The following TMEM132B variants were observed in gnomAD, a reference collection of about 807,000 sequenced individuals.
The protein encoded by TMEM132B is transmembrane protein 132B.
Under a neutral mutation model 90.8 loss-of-function variants are expected in TMEM132B, and 18 were observed. The ratio of observed to expected loss-of-function variants is 0.20; its 90% CI spans 0.14 to 0.29. The LOEUF (loss-of-function observed/expected upper bound fraction) is 0.29. TMEM132B is among the 10% of genes least tolerant of loss of function. The pLI is 1.00. For synonymous variants in TMEM132B, 504 were observed against 523.3 expected (o/e 0.96, Z 0.50); for missense variants, 1,096 against 1,326.8 (o/e 0.83, Z 2.70).
intron 4 of TMEM132B, among the ~76,000 whole-genome samples, chr12:125,537,868 T>C (rs1410265247): frequency 6.6e-6 from 1 of 152,204 alleles, no homozygotes; most frequent in African/African-American, 2.4e-5. Flanking sequence ...TGGATGTCTC[T>C]GAGCCTCAGT....
intron 4 of TMEM132B, among the ~76,000 whole-genome samples, chr12:125,522,345 T>C (rs969810002): frequency 1.3e-5 from 2 of 152,194 alleles, no homozygotes; most frequent in Non-Finnish European, 2.9e-5. Flanking sequence ...AGAGAATTGT[T>C]AACTATCACA....
At chr12:125,271,006 AGGGG>A (rs1874824968) in intron 1 of TMEM132B, among the ~76,000 whole-genome samples, 1 of 151,208 alleles carries the variant, frequency 6.6e-6, no homozygotes, top group African/African-American at 2.4e-5. Flanking sequence ...GCTGGAGTGC[AGGGG>A]TGCAAGCCTA....
intron 1 of TMEM132B, among the ~76,000 whole-genome samples, chr12:125,325,360 G>A (rs1242057981): frequency 6.6e-6 from 1 of 152,200 alleles, no homozygotes; most frequent in Non-Finnish European, 1.5e-5. Context: ...GACCTTCAAA[G>A]CAGCGCCCAG....
intron 2 of TMEM132B, among the ~76,000 whole-genome samples, chr12:125,397,021 G>C (rs1032171347): frequency 6.6e-6 from 1 of 151,722 alleles, no homozygotes; most frequent in African/African-American, 2.4e-5. Context: ...GCCCAGGCTG[G>C]AGTGCAGTGG....
At chr12:125,641,108 A>G (rs1194178774) in intron 5 of TMEM132B, among the ~76,000 whole-genome samples, 1 of 152,164 alleles carries the variant, frequency 6.6e-6, no homozygotes, top group East Asian at 1.9e-4. Context: ...AGCTTCCCAC[A>G]CAGTGCTCCA....
rs117459949 is a variant in TMEM132B at position 125,594,079 on chromosome 12, C to G, written c.1437+10085C>G. Among the ~76,000 whole-genome samples the G allele has an allele frequency of 3.7e-3, 557 of 152,248 alleles. 1 individual carries two copies. The highest frequency in any genetic ancestry group is 5.8e-3 in the Non-Finnish European group (392 of 68,016). On this transcript the variant is annotated intron_variant, in intron 5 of 8. Coordinates refer to ENST00000682704, the MANE Select transcript of TMEM132B (RefSeq NM_001366854.1). Reference sequence around the variant, plus strand: ...CTCTTCTGCCCCTCTCCACTTGTTCCCAGATAGCCACTCATCTTCTCTTTC... The same window carrying G: ...CTCTTCTGCCCCTCTCCACTTGTTCGCAGATAGCCACTCATCTTCTCTTTC...
At chr12:125,342,205 C>T (rs1877205057) in intron 1 of TMEM132B, among the ~76,000 whole-genome samples, 1 of 152,084 alleles carries the variant, frequency 6.6e-6, no homozygotes, top group African/African-American at 2.4e-5. Flanking sequence ...TCCTTCTGGA[C>T]CAAGAAGGAA....
rs1182070973 is a variant in TMEM132B at position 125,661,078 on chromosome 12, CTT to C, written c.*6370_*6371del. ...CCTGTGGCCAAAAAAGCAAGTGAGA[CTT>C]TCTGTTTCCCATTGTAAGGCTGGAG... On this transcript the variant is annotated 3_prime_UTR_variant, in exon 9 of 9. Transcript: ENST00000682704. 1 of 152,216 alleles carries C rather than the reference CTT, an allele frequency of 6.6e-6. No homozygotes were observed. The highest frequency in any genetic ancestry group is 2.4e-5 in the African/African-American group (1 of 41,452). 9.4% of individuals were successfully genotyped at this position (152,216 alleles called of 1,614,324 possible).
Position 125,345,920 on chromosome 12 carries a change from T to A in TMEM132B, c.68-3532T>A, listed in dbSNP as rs145881395. Among the ~76,000 whole-genome samples, 1,016 of 152,302 alleles carry A rather than the reference T, an allele frequency of 6.7e-3. 3 individuals carry two copies. The highest frequency in any genetic ancestry group is 0.01 in the Non-Finnish European group (713 of 68,030). ...AAAGAATGGTGTTACTATGTGACAT[T>A]TTGGGATTAAAGGGAAGAGTGTTAG... On this transcript the variant is annotated intron_variant, in intron 1 of 8. Transcript: ENST00000682704.
chr12:125,495,788 T>C (rs1233320591), intron 3 of TMEM132B, among the ~76,000 whole-genome samples: 1 of 152,170 alleles, frequency 6.6e-6, no homozygotes, highest in Non-Finnish European at 1.5e-5. Context: ...GGATAGACCA[T>C]CCCTGTGATA....
chr12:125,552,257 A>G (rs12830721), intron 4 of TMEM132B, among the ~76,000 whole-genome samples: 11,108 of 152,278 alleles, frequency 0.073, 547 homozygotes, highest in South Asian at 0.15. Flanking sequence ...TTCCCACAGG[A>G]TTGCAAATGA....
At chr12:125,515,571 T>A (rs572665428) in intron 3 of TMEM132B, among the ~76,000 whole-genome samples, 53 of 149,586 alleles carry the variant, frequency 3.5e-4, no homozygotes, top group African/African-American at 7.4e-5. Flanking sequence ...TCTCCCACAC[T>A]CACACACACA....
intron 3 of TMEM132B, among the ~76,000 whole-genome samples, chr12:125,505,291 A>G (rs1409041151): frequency 6.6e-6 from 1 of 151,900 alleles, no homozygotes; most frequent in Non-Finnish European, 1.5e-5. Flanking sequence ...CATTATAGAC[A>G]TTAAGGAAAA....
At chr12:125,357,296 A>G (rs1029557533) in intron 2 of TMEM132B, among the ~76,000 whole-genome samples, 2 of 152,214 alleles carry the variant, frequency 1.3e-5, no homozygotes, top group African/African-American at 4.8e-5. Context: ...ACCTCTAATC[A>G]AACAATGGGC....
rs547643861 is a variant in TMEM132B, at chr12:125,470,528, G to C, written c.1107-48911G>C. Among the ~76,000 whole-genome samples the C allele has an allele frequency of 5.3e-5, 8 of 152,298 alleles. No individual in the cohort carries two copies. In the East Asian group the frequency reaches 1.5e-3, roughly 29 times the overall value. On this transcript the variant is annotated intron_variant, in intron 3 of 8. Transcript: ENST00000682704. ...TGACACATGATCCAAAGTGCAGTCT[G>C]TCTTTGTTTAACCGAGGCTTTCCCC...
intron 3 of TMEM132B, among the ~76,000 whole-genome samples, chr12:125,444,892 C>A (rs960422964): frequency 6.6e-6 from 1 of 152,146 alleles, no homozygotes; most frequent in African/African-American, 2.4e-5. Flanking sequence ...TAGAATGCAG[C>A]CTTAGCTGCT....
At chr12:125,346,004 A>C (rs1207256864) in intron 1 of TMEM132B, among the ~76,000 whole-genome samples, 2 of 152,190 alleles carry the variant, frequency 1.3e-5, no homozygotes, top group African/African-American at 4.8e-5. Context: ...TCCTAAATTC[A>C]GATATTATAT....
chr12:125,353,268 A>G (rs1187764375), intron 2 of TMEM132B, among the ~76,000 whole-genome samples: 1 of 152,020 alleles, frequency 6.6e-6, no homozygotes, highest in Non-Finnish European at 1.5e-5. Flanking sequence ...CAACTGCAGC[A>G]CTTCAGCACT....
At chr12:125,488,492 T>C (rs1466612825) in intron 3 of TMEM132B, among the ~76,000 whole-genome samples, 3 of 152,194 alleles carry the variant, frequency 2.0e-5, no homozygotes. Context: ...TTTCCTATGC[T>C]GTTCTCGTGA....
Sources: gnomAD v4.1 joint callset for allele counts (sites outside exome capture counted in the v4.1 genomes callset) on GRCh38, gnomAD v4.1.1 for gene constraint, MANE v1.5 for transcripts, NCBI Gene and HGNC (gene_info 2026-07-23, HGNC 2026-07-21) for gene names.